Variants in GMDS observed in about 807,000 individuals in gnomAD.
The protein encoded by GMDS is GDP-mannose 4,6 dehydratase.
A neutral mutation model predicts 49.9 loss-of-function variants in GMDS; 20 were observed. That is an observed-to-expected ratio of 0.40 (90% CI 0.28 to 0.58). The LOEUF is 0.58. Among genes scored for constraint, GMDS ranks in the 20% least tolerant of loss-of-function variants. GMDS has a pLI of 0.42. For missense variants in GMDS, 362 were observed against 481.4 expected, an observed-to-expected ratio of 0.75 and a Z score of 2.32; for synonymous variants, 177 against 178.6, an observed-to-expected ratio of 0.99 and a Z score of 0.07.
intron 1 of GMDS, among the ~76,000 whole-genome samples, chr6:2,224,647 AATC>A (rs1202768660): frequency 1.3e-5 from 2 of 152,236 alleles, no homozygotes; most frequent in Non-Finnish European, 2.9e-5. Context: ...AGAGAAAAAA[AATC>A]ATAAGTATAG....
At chr6:2,048,708 A>G (rs1008402161) in intron 4 of GMDS, among the ~76,000 whole-genome samples, 1 of 152,104 alleles carries the variant, frequency 6.6e-6, no homozygotes, top group Non-Finnish European at 1.5e-5. Context: ...TCCTCTCAAT[A>G]ATGTTTTTCT....
chr6:2,168,279 G>A (rs958652232), intron 1 of GMDS, among the ~76,000 whole-genome samples: 11 of 152,196 alleles, frequency 7.2e-5, no homozygotes, highest in African/African-American at 2.7e-4. Flanking sequence ...GGGTGAGCGT[G>A]AAGCTTGTTC....
chr6:1,706,853 C>G lies in GMDS; in HGVS notation c.987+19563G>C, dbSNP rs565420859. Among the ~76,000 whole-genome samples, 7 of 152,312 alleles carry G rather than the reference C, an allele frequency of 4.6e-5. No homozygotes were observed. The South Asian group carries it at 1.5e-3, about 32-fold the overall frequency. On this transcript the variant is annotated intron_variant, in intron 9 of 10. Coordinates refer to ENST00000380815, the MANE Select transcript of GMDS (RefSeq NM_001500.4). ...CTTTAATGGATTTGCTGCATGGTGG[C>G]ATTTGGAAGGACTGTGCTCAGTTAT...
intron 6 of GMDS, among the ~76,000 whole-genome samples, chr6:1,958,104 C>A (rs895373415): frequency 7.0e-6 from 1 of 143,870 alleles, no homozygotes; most frequent in Admixed American, 7.3e-5. Context: ...CTGTGCCTGG[C>A]CTTAAAATAT....
intron 7 of GMDS, among the ~76,000 whole-genome samples, chr6:1,895,292 G>A (rs1403226909): frequency 1.3e-5 from 2 of 152,084 alleles, no homozygotes; most frequent in Non-Finnish European, 2.9e-5. Flanking sequence ...AAGATGAACC[G>A]TTTCTCCGCT....
At chr6:2,185,081 G>C (rs993284226) in intron 1 of GMDS, among the ~76,000 whole-genome samples, 1 of 152,196 alleles carries the variant, frequency 6.6e-6, no homozygotes, top group Non-Finnish European at 1.5e-5. Context: ...TGGTCAAGCC[G>C]ACAAGGCAAA....
rs1360372423 is a variant in GMDS, at chr6:1,695,263, A to AG, written c.987+31152_987+31153insC. Among the ~76,000 whole-genome samples, 40 of 152,300 alleles carry AG rather than the reference A, an allele frequency of 2.6e-4. 1 individual carries two copies. Among genetic ancestry groups the AG allele is most frequent in the Middle Eastern group, 3.4e-3 (1 of 294 alleles). On this transcript the variant is annotated intron_variant, in intron 9 of 10. Coordinates refer to ENST00000380815, the MANE Select transcript of GMDS (RefSeq NM_001500.4). ...ATCCTCATTTCTGATATGAGTTAGA[A>AG]ATCTCCACAGTGAGTGAATCTTAAA...
At chr6:1,745,761 A>C (rs1377499729) in intron 7 of GMDS, among the ~76,000 whole-genome samples, 1 of 152,206 alleles carries the variant, frequency 6.6e-6, no homozygotes, top group East Asian at 1.9e-4. Flanking sequence ...GTTATTACTG[A>C]ATAGTTTACT....
chr6:2,238,908 A>G (rs577416248), intron 1 of GMDS, among the ~76,000 whole-genome samples: 1 of 152,340 alleles, frequency 6.6e-6, no homozygotes, highest in East Asian at 1.9e-4. Flanking sequence ...ACAAAGATGG[A>G]CAGCTCCAAG....
At chr6:1,878,187 C>CG (rs1759179245) in intron 7 of GMDS, among the ~76,000 whole-genome samples, 1 of 151,862 alleles carries the variant, frequency 6.6e-6, no homozygotes, top group African/African-American at 2.4e-5. Flanking sequence ...TGGTGGCGGG[C>CG]ACCTGTAGTC....
intron 1 of GMDS, among the ~76,000 whole-genome samples, chr6:2,154,622 C>T (rs1247155882): frequency 6.6e-6 from 1 of 152,012 alleles, no homozygotes; most frequent in Non-Finnish European, 1.5e-5. Flanking sequence ...CGACTCCAGA[C>T]ATTCATTGTC....
At chr6:1,904,357 G>C (rs1219951597) in intron 7 of GMDS, among the ~76,000 whole-genome samples, 1 of 152,102 alleles carries the variant, frequency 6.6e-6, no homozygotes, top group Non-Finnish European at 1.5e-5. Context: ...TTGCATTCGG[G>C]GGCTGCTCTG....
chr6:1,996,280 A>G (rs1341044669), intron 4 of GMDS, among the ~76,000 whole-genome samples: 1 of 152,078 alleles, frequency 6.6e-6, no homozygotes, highest in Non-Finnish European at 1.5e-5. Context: ...TACAGTGTCC[A>G]GCTGCTGGGG....
intron 1 of GMDS, among the ~76,000 whole-genome samples, chr6:2,139,034 C>T (rs1355827102): frequency 1.3e-5 from 2 of 152,048 alleles, no homozygotes; most frequent in Non-Finnish European, 2.9e-5. Flanking sequence ...ATGTAGTTAC[C>T]TTAATTTTAT....
At chr6:1,879,175 T>A in intron 7 of GMDS, among the ~76,000 whole-genome samples, 1 of 152,214 alleles carries the variant, frequency 6.6e-6, no homozygotes, top group East Asian at 1.9e-4. Context: ...ATAAAGTAAT[T>A]ATCTGGTTAT....
At chr6:2,176,989 T>C (rs1415709703) in intron 1 of GMDS, among the ~76,000 whole-genome samples, 2 of 151,584 alleles carry the variant, frequency 1.3e-5, no homozygotes, top group African/African-American at 2.4e-5. Flanking sequence ...TCTCAGAAAA[T>C]TTGTAGGCAG....
chr6:1,923,171 T>A (rs1450889986), intron 7 of GMDS, among the ~76,000 whole-genome samples: 2 of 152,184 alleles, frequency 1.3e-5, no homozygotes, highest in Non-Finnish European at 2.9e-5. Context: ...GTCTCCAGTA[T>A]GTCTTTATCA....
At chr6:1,946,695 T>C (rs1763088188) in intron 6 of GMDS, among the ~76,000 whole-genome samples, 1 of 152,096 alleles carries the variant, frequency 6.6e-6, no homozygotes, top group African/African-American at 2.4e-5. Flanking sequence ...TACGGAAGGC[T>C]TTCCAGGAAG....
intron 7 of GMDS, among the ~76,000 whole-genome samples, chr6:1,776,445 T>TG (rs1241682720): frequency 1.3e-5 from 2 of 151,250 alleles, no homozygotes; most frequent in Admixed American, 6.6e-5. Flanking sequence ...CTCAGTGCTT[T>TG]GGGGGGCCGA....
Sources: allele counts gnomAD v4.1 joint callset (sites outside exome capture counted in the v4.1 genomes callset), GRCh38; gene constraint gnomAD v4.1.1; transcripts MANE v1.5; gene names NCBI Gene and HGNC (gene_info 2026-07-23, HGNC 2026-07-21).